PURG: variants seen among roughly 807,000 people sequenced by gnomAD.
PURG encodes the protein purine-rich element-binding protein gamma.
A neutral mutation model predicts 24.3 loss-of-function variants in PURG; 3 were observed. The ratio of observed to expected loss-of-function variants is 0.12; its 90% CI spans 0.06 to 0.32. The LOEUF is 0.32. Ranked by LOEUF, PURG falls within the 10% of genes least tolerant of loss-of-function variation. The pLI, the probability that PURG is intolerant of heterozygous loss-of-function variation, is 1.00. For missense variants in PURG, 371 were observed against 439.1 expected, an observed-to-expected ratio of 0.84 and a Z score of 1.39; for synonymous variants, 180 against 173.1, an observed-to-expected ratio of 1.04 and a Z score of -0.31.
downstream of PURG, among the ~76,000 whole-genome samples, chr8:31,028,375 A>C (rs533001209): frequency 1.3e-5 from 2 of 151,964 alleles, no homozygotes; most frequent in East Asian, 3.8e-4. Context: ...TTCTAGCTAC[A>C]TAGTTATTGA....
Position 31,032,627 on chromosome 8 carries a change from C to T in PURG, c.156G>A (p.Gly52=), listed in dbSNP as rs1339757121. The T allele has an allele frequency of 1.9e-6, 3 of 1,600,620 alleles. No individual in the cohort carries two copies. Among genetic ancestry groups the T allele is most frequent in the Admixed American group, 3.4e-5 (2 of 59,052 alleles). ...CCAGCTCCTGGATTTCGGCTGCGCC[C>T]CCGGCCTGATTAGGGGTGGCTGAGG... ...YAASATPNQA[G]GAAEIQELAS... Residue 52 remains glycine, a synonymous_variant, in exon 2 of 2, where the codon GGG becomes GGA. Transcript: ENST00000523392. The surrounding 1 kb of genome is among the most constrained non-coding windows in gnomAD (Gnocchi z 5.9).
chr8:31,006,685 T>C (rs1810658352), intron 1 of PURG, among the ~76,000 whole-genome samples: 1 of 152,224 alleles, frequency 6.6e-6, no homozygotes, highest in Non-Finnish European at 1.5e-5. Flanking sequence ...AATTTTACTA[T>C]TCATTATCAT....
chr8:31,010,520 A>T (rs1389153859), intron 1 of PURG, among the ~76,000 whole-genome samples: 1 of 152,240 alleles, frequency 6.6e-6, no homozygotes, highest in Non-Finnish European at 1.5e-5. Flanking sequence ...GCATTTCAAA[A>T]AAACTCTTTA....
At chr8:31,008,244 T>C (rs935567920) in intron 1 of PURG, among the ~76,000 whole-genome samples, 1 of 152,244 alleles carries the variant, frequency 6.6e-6, no homozygotes, top group African/African-American at 2.4e-5. Context: ...CTAATATTTG[T>C]TAAATGCTTT....
Position 31,032,174 on chromosome 8 carries a change from C to T in PURG, c.609G>A (p.Met203Ile), listed in dbSNP as rs1811227193. The T allele has an allele frequency of 6.2e-7, 1 of 1,614,202 alleles. No individual in the cohort carries two copies. The highest frequency in any genetic ancestry group is 1.1e-5 in the South Asian group (1 of 91,088). ...AATAACCTATCATGCCAGTCCCCCG[C>T]ATCATGGTTTGTCTAATCCGTAGGA... ...GRFLRIRQTM[M>I]RGTGMIGYFG... is the part of the protein sequence containing the mutation. Residue 203 changes from methionine to isoleucine, a missense_variant, in exon 2 of 2, where the codon ATG becomes ATA. By Grantham distance (10) the Met-to-Ile change is conservative. Coordinates refer to ENST00000523392, the MANE Select transcript of PURG (RefSeq NM_001323311.2). The surrounding 1 kb of genome is among the most constrained non-coding windows in gnomAD (Gnocchi z 5.9).
At chr8:31,029,778 A>G (rs1177327134), downstream of PURG, among the ~76,000 whole-genome samples, 1 of 151,948 alleles carries the variant, frequency 6.6e-6, no homozygotes, top group African/African-American at 2.4e-5. Flanking sequence ...TCAAGTGCAC[A>G]TCATTCCTTC....
chr8:31,028,782 C>A (rs1251647425), downstream of PURG, among the ~76,000 whole-genome samples: 2 of 151,816 alleles, frequency 1.3e-5, no homozygotes, highest in Non-Finnish European at 1.5e-5. Flanking sequence ...AAGAGGAACC[C>A]GTTTCCAAAT....
chr8:31,011,934 A>G (rs953856866), intron 1 of PURG, among the ~76,000 whole-genome samples: 12 of 152,208 alleles, frequency 7.9e-5, no homozygotes, highest in African/African-American at 2.7e-4. Context: ...ATTGTGAGTC[A>G]TCTTTGAAAT....
intron 1 of PURG, among the ~76,000 whole-genome samples, chr8:31,011,815 C>A (rs1401018928): frequency 6.6e-6 from 1 of 152,180 alleles, no homozygotes; most frequent in African/African-American, 2.4e-5. Flanking sequence ...AAAGTAGCTA[C>A]TCAATGTCCA....
chr8:31,029,762 A>T (rs1239253081), downstream of PURG, among the ~76,000 whole-genome samples: 1 of 151,958 alleles, frequency 6.6e-6, no homozygotes, highest in Non-Finnish European at 1.5e-5. Context: ...TCAGTAGTAC[A>T]GTAATTCAAG....
chr8:31,008,706 C>T lies in PURG; in HGVS notation c.865-12009G>A, dbSNP rs568831402. 1.3e-4 allele frequency among the ~76,000 whole-genome samples: 20 copies of T among 152,234 alleles called. No individual in the cohort carries two copies. In the East Asian group the frequency reaches 2.3e-3, roughly 18 times the overall value. ...AATTCCCTGAACTTTAAAGATTGACCAGCACATAGTAGGTGATTGATGAAT... is the reference window on the plus strand; with the variant it reads ...AATTCCCTGAACTTTAAAGATTGACTAGCACATAGTAGGTGATTGATGAAT... On this transcript the variant is annotated intron_variant, in intron 1 of 1. Transcript: ENST00000339382.
At chr8:31,001,765 G>A (rs1011433374) in intron 1 of PURG, among the ~76,000 whole-genome samples, 1 of 152,110 alleles carries the variant, frequency 6.6e-6, no homozygotes, top group Non-Finnish European at 1.5e-5. Context: ...CATACAATGT[G>A]GTAGGTAGTA....
chr8:31,006,801 G>A (rs773144354), intron 1 of PURG, among the ~76,000 whole-genome samples: 3 of 152,150 alleles, frequency 2.0e-5, no homozygotes, highest in Non-Finnish European at 4.4e-5. Flanking sequence ...CTGAATAAAC[G>A]AATGTTCTTG....
Position 31,001,312 on chromosome 8 carries a change from T to C in PURG, c.865-4615A>G, listed in dbSNP as rs144373571. On this transcript the variant is annotated intron_variant, in intron 1 of 1. Transcript: ENST00000339382. The stretch of plus-strand genomic sequence containing the variant: ...ACCTATGAGAATCATTTCTACCCTA[T>C]AATTTAATATTGTTTTCTTTCATTC... Among the ~76,000 whole-genome samples, 321 of 152,366 alleles carry C rather than the reference T, an allele frequency of 2.1e-3. 1 individual carries two copies. Among genetic ancestry groups the C allele is most frequent in the African/African-American group, 6.9e-3 (286 of 41,584 alleles).
chr8:31,032,047 C>T lies in PURG; in HGVS notation c.736G>A (p.Gly246Arg). The T allele has an allele frequency of 6.2e-7, 1 of 1,614,164 alleles. No homozygotes were observed. The highest frequency in any genetic ancestry group is 8.5e-7 in the Non-Finnish European group (1 of 1,180,034). The change falls in exon 2 of 2, where the codon GGA becomes AGA. Residue 246 changes from glycine to arginine, a missense_variant. Physicochemically the swap from Gly to Arg is moderately radical, Grantham distance 125 (BLOSUM62 -2). This residue lies in a region of PURG where 103 missense variants were observed against 127.7 expected (regional missense o/e 0.81). Transcript: ENST00000523392. This position sits in a 1 kb window ranked among gnomAD's most constrained non-coding sequence, Gnocchi z 5.9. Reference sequence around the variant, plus strand: ...CCACCTCTTCGTTCTTCTATGTCTCCTTCGCCATAGTCTTCAATCAGCTGA... The same window carrying T: ...CCACCTCTTCGTTCTTCTATGTCTCTTTCGCCATAGTCTTCAATCAGCTGA... ...LVQLIEDYGE[G>R]DIEERRGGDD...
chr8:30,998,326 AG>A (rs1810468217), intron 1 of PURG, among the ~76,000 whole-genome samples: 2 of 151,850 alleles, frequency 1.3e-5, no homozygotes, highest in Non-Finnish European at 3.0e-5. Context: ...AAGAGGCTTC[AG>A]AAAAACATGT....
At chr8:31,023,571 A>G (rs760187452) in intron 1 of PURG, among the ~76,000 whole-genome samples, 10 of 151,770 alleles carry the variant, frequency 6.6e-5, no homozygotes, top group Middle Eastern at 3.4e-3. Flanking sequence ...AATAATAAAT[A>G]AATAAATAAA....
intron 1 of PURG, among the ~76,000 whole-genome samples, chr8:31,023,667 A>T (rs1406163930): frequency 6.6e-6 from 1 of 152,142 alleles, no homozygotes; most frequent in African/African-American, 2.4e-5. Context: ...GGCTAAAAAA[A>T]ACCCCCAAAC....
intron 1 of PURG, among the ~76,000 whole-genome samples, chr8:31,003,864 T>G (rs1446766775): frequency 6.6e-6 from 1 of 152,216 alleles, no homozygotes; most frequent in East Asian, 1.9e-4. Flanking sequence ...GGGATCTCTT[T>G]GTGCTCCTGC....
Sources: allele counts gnomAD v4.1 joint callset (sites outside exome capture counted in the v4.1 genomes callset), GRCh38; gene constraint gnomAD v4.1.1; regional missense constraint gnomAD v4.1.1; non-coding constraint Gnocchi (gnomAD v3.1); transcripts MANE v1.5; gene names NCBI Gene and HGNC (gene_info 2026-07-23, HGNC 2026-07-21).